Variants in CCBE1 observed in about 807,000 individuals in gnomAD.
The protein encoded by CCBE1 is collagen and calcium binding EGF domains 1, also known as collagen and calcium-binding EGF domain-containing protein 1.
Under a neutral mutation model 50.0 loss-of-function variants are expected in CCBE1, and 37 were observed. The observed-to-expected ratio is 0.74, with a 90% confidence interval of 0.57 to 0.97. The LOEUF (loss-of-function observed/expected upper bound fraction) is 0.97, where lower values mean the gene tolerates loss of function less well. Ranked by LOEUF, CCBE1 falls within the 50% of genes least tolerant of loss-of-function variation. CCBE1 has a pLI of 0.00. For synonymous variants in CCBE1, 234 were observed against 203.7 expected, an observed-to-expected ratio of 1.15 and a Z score of -1.27; for missense variants, 538 against 523.8, an observed-to-expected ratio of 1.03 and a Z score of -0.26.
chr18:59,621,987 C>G (rs1488789316), intron 2 of CCBE1, among the ~76,000 whole-genome samples: 1 of 152,168 alleles, frequency 6.6e-6, no homozygotes, highest in East Asian at 1.9e-4. Context: ...TATTTCACAC[C>G]CTCAAAACTA....
intron 2 of CCBE1, among the ~76,000 whole-genome samples, chr18:59,508,495 G>A (rs1164467391): frequency 2.6e-5 from 4 of 151,894 alleles, no homozygotes; most frequent in Non-Finnish European, 4.4e-5. Context: ...TACCCAGGAG[G>A]CTGAGGCAGG....
intron 2 of CCBE1, among the ~76,000 whole-genome samples, chr18:59,482,300 T>C (rs606035): frequency 6.6e-6 from 1 of 152,028 alleles, no homozygotes; most frequent in Non-Finnish European, 1.5e-5. Flanking sequence ...AAACAACAGA[T>C]GCTGGAGAGG....
chr18:59,696,450 C>T, intron 2 of CCBE1, 179 bp downstream of exon 2: 1 of 1,463,288 alleles, frequency 6.8e-7, no homozygotes, highest in East Asian at 2.6e-5. Context: ...CTCAGTGTTG[C>T]TCTGACTCCG....
chr18:59,562,673 G>A (rs935173551), intron 2 of CCBE1, among the ~76,000 whole-genome samples: 4 of 152,122 alleles, frequency 2.6e-5, no homozygotes, highest in African/African-American at 9.7e-5. Context: ...TTACTCCCTG[G>A]CCCATCCTAG....
intron 2 of CCBE1, among the ~76,000 whole-genome samples, chr18:59,595,727 C>T (rs1001582986): frequency 6.6e-6 from 1 of 152,276 alleles, no homozygotes; most frequent in African/African-American, 2.4e-5. Flanking sequence ...AACTATTTTC[C>T]ATGCCTCAGT....
Position 59,677,207 on chromosome 18 carries a change from G to A in CCBE1, c.212+19422C>T, listed in dbSNP as rs76698212. ...CAGTGGCCTGGACCAGGATGATGTCGTGGAGAGAGATAGCCCAAAAAGTCC... is the reference window on the plus strand; with the variant it reads ...CAGTGGCCTGGACCAGGATGATGTCATGGAGAGAGATAGCCCAAAAAGTCC... On this transcript the variant is annotated intron_variant, in intron 2 of 10. Coordinates refer to ENST00000439986, the MANE Select transcript of CCBE1 (RefSeq NM_133459.4). Among the ~76,000 whole-genome samples, 505 of 152,272 alleles carry A rather than the reference G, an allele frequency of 3.3e-3. 6 individuals carry two copies. The highest frequency in any genetic ancestry group is 0.012 in the African/African-American group (479 of 41,546).
intron 2 of CCBE1, among the ~76,000 whole-genome samples, chr18:59,542,273 G>A (rs1915499294): frequency 2.6e-5 from 1 of 37,750 alleles, no homozygotes; most frequent in Non-Finnish European, 5.9e-5. Flanking sequence ...TATTCAGGTA[G>A]AAATCTTAAT....
At chr18:59,445,838 T>C (rs1375802172) in intron 7 of CCBE1, among the ~76,000 whole-genome samples, 1 of 152,200 alleles carries the variant, frequency 6.6e-6, no homozygotes, top group African/African-American at 2.4e-5. Flanking sequence ...GCCTTTGAAA[T>C]GTGGGACTTT....
intron 2 of CCBE1, among the ~76,000 whole-genome samples, chr18:59,504,445 G>T (rs1913775298): frequency 6.8e-6 from 1 of 146,502 alleles, no homozygotes; most frequent in African/African-American, 2.5e-5. Context: ...AATTCTGGTT[G>T]ACCACAAGTG....
At chr18:59,665,526 C>A (rs1016354436) in intron 2 of CCBE1, among the ~76,000 whole-genome samples, 2 of 152,156 alleles carry the variant, frequency 1.3e-5, no homozygotes, top group Non-Finnish European at 2.9e-5. Flanking sequence ...TTTTAACCAC[C>A]AATTTATCTG....
At chr18:59,507,961 C>T (rs990813479) in intron 2 of CCBE1, among the ~76,000 whole-genome samples, 1 of 151,276 alleles carries the variant, frequency 6.6e-6, no homozygotes, top group Admixed American at 6.6e-5. Flanking sequence ...CACGATCTCA[C>T]CTCACTGCAA....
At chr18:59,436,407 A>G (rs1057007514) in intron 10 of CCBE1, among the ~76,000 whole-genome samples, 2 of 152,196 alleles carry the variant, frequency 1.3e-5, no homozygotes, top group African/African-American at 4.8e-5. Flanking sequence ...GGATATAAGA[A>G]TAACTCTCCT....
chr18:59,651,749 G>C (rs931619008), intron 2 of CCBE1, among the ~76,000 whole-genome samples: 1 of 152,182 alleles, frequency 6.6e-6, no homozygotes, highest in Non-Finnish European at 1.5e-5. Flanking sequence ...TCCAGAGAAA[G>C]GCACTGGGCC....
At chr18:59,693,345 T>C (rs1426744237) in intron 2 of CCBE1, among the ~76,000 whole-genome samples, 1 of 152,156 alleles carries the variant, frequency 6.6e-6, no homozygotes, top group East Asian at 1.9e-4. Context: ...TGTGACCAGC[T>C]TTCATGGTCC....
intron 2 of CCBE1, among the ~76,000 whole-genome samples, chr18:59,547,790 C>CA (rs2144404512): frequency 6.6e-6 from 1 of 152,314 alleles, no homozygotes; most frequent in South Asian, 2.1e-4. Flanking sequence ...GGCCCAGAAG[C>CA]ATGCTGACAG....
intron 2 of CCBE1, among the ~76,000 whole-genome samples, chr18:59,599,035 C>T (rs1221171964): frequency 6.6e-6 from 1 of 152,216 alleles, no homozygotes; most frequent in Non-Finnish European, 1.5e-5. Context: ...TAGGTGGACA[C>T]TTTACTGCTA....
At chr18:59,647,938 C>T (rs1599098712) in intron 2 of CCBE1, among the ~76,000 whole-genome samples, 1 of 152,082 alleles carries the variant, frequency 6.6e-6, no homozygotes, top group Non-Finnish European at 1.5e-5. Context: ...CCCGAAACTA[C>T]AAAATATTGG....
intron 2 of CCBE1, among the ~76,000 whole-genome samples, chr18:59,684,712 C>A (rs899722167): frequency 6.6e-6 from 1 of 152,180 alleles, no homozygotes; most frequent in African/African-American, 2.4e-5. Context: ...CTCAAAAAGA[C>A]AATTACATAT....
chr18:59,692,313 A>G (rs2054743292), intron 2 of CCBE1, among the ~76,000 whole-genome samples: 3 of 152,362 alleles, frequency 2.0e-5, no homozygotes, highest in East Asian at 1.9e-4. Flanking sequence ...CAATCCTCAC[A>G]GCAGCCCTAT....
Sources: gnomAD v4.1 joint callset for allele counts (sites outside exome capture counted in the v4.1 genomes callset) on GRCh38, gnomAD v4.1.1 for gene constraint, MANE v1.5 for transcripts, NCBI Gene and HGNC (gene_info 2026-07-23, HGNC 2026-07-21) for gene names.